CRB1: variants seen among roughly 807,000 people sequenced by gnomAD.
CRB1 encodes the protein crumbs cell polarity complex component 1.
Under a neutral mutation model 120.0 loss-of-function variants are expected in CRB1, and 83 were observed. The ratio of observed to expected loss-of-function variants is 0.69; its 90% CI spans 0.58 to 0.83. The LOEUF is 0.83. Ranked by LOEUF, CRB1 falls within the 40% of genes least tolerant of loss-of-function variation. The pLI, the probability that CRB1 is intolerant of heterozygous loss-of-function variation, is 0.00. For missense variants in CRB1, 1,699 were observed against 1,687.6 expected (o/e 1.01, Z -0.12); for synonymous variants, 625 against 612.5 (o/e 1.02, Z -0.30).
chr1:197,239,920 A>G, the CRB1 span, among the ~76,000 whole-genome samples: 1 of 150,146 alleles, frequency 6.7e-6, no homozygotes, highest in Admixed American at 6.7e-5. Flanking sequence ...TTATATATAC[A>G]TGTCTATCAT....
chr1:197,217,984 A>G, the CRB1 span, among the ~76,000 whole-genome samples: 2 of 152,230 alleles, frequency 1.3e-5, no homozygotes. Flanking sequence ...AAATATTAAC[A>G]GAGGTTGTCT....
chr1:197,247,396 G>A, the CRB1 span, among the ~76,000 whole-genome samples: 1 of 152,096 alleles, frequency 6.6e-6, no homozygotes, highest in African/African-American at 2.4e-5. Context: ...GTCATAAACA[G>A]CAAGTTGAAC....
intron 5 of CRB1, among the ~76,000 whole-genome samples, chr1:197,373,279 T>G (rs1478923495): frequency 6.6e-6 from 1 of 152,216 alleles, no homozygotes; most frequent in East Asian, 1.9e-4. Context: ...TTATACTAGT[T>G]GGTGAATAGT....
At chr1:197,297,155 T>C (rs1656574441) in intron 1 of CRB1, among the ~76,000 whole-genome samples, 1 of 151,830 alleles carries the variant, frequency 6.6e-6, no homozygotes, top group African/African-American at 2.4e-5. Context: ...GCATGGGTCA[T>C]CTGAAACGCC....
chr1:197,400,907 ACTT>A (rs1436336521), intron 5 of CRB1, among the ~76,000 whole-genome samples: 3 of 152,094 alleles, frequency 2.0e-5, no homozygotes, highest in African/African-American at 7.2e-5. Context: ...ACCTAAAAAT[ACTT>A]TAGTATATCT....
chr1:197,397,182 C>T (rs894909028), intron 5 of CRB1, among the ~76,000 whole-genome samples: 39 of 152,046 alleles, frequency 2.6e-4, no homozygotes, highest in Middle Eastern at 3.2e-3. Flanking sequence ...AAAAGATACT[C>T]AATATCAATA....
intron 11 of CRB1, among the ~76,000 whole-genome samples, chr1:197,476,397 T>TGTGTGTGCGC (rs1553269046): frequency 1.4e-5 from 2 of 146,016 alleles, no homozygotes; most frequent in South Asian, 2.2e-4. Flanking sequence ...TGTGTGTGTG[T>TGTGTGTGCGC]GCGCGTCTTC....
At chr1:197,327,101 A>C (rs4915479) in intron 1 of CRB1, among the ~76,000 whole-genome samples, 8,893 of 39,990 alleles carry the variant, frequency 0.22, 601 homozygotes, top group East Asian at 0.44. Context: ...CAAAAAAAAA[A>C]AAAAAAAAAA....
chr1:197,285,979 T>TA (rs1339126216), intron 1 of CRB1, among the ~76,000 whole-genome samples: 5 of 151,838 alleles, frequency 3.3e-5, no homozygotes, highest in African/African-American at 1.2e-4. Flanking sequence ...TCTCAAGACT[T>TA]AGAATGTGAG....
At chr1:197,444,446 T>C (rs1276870181) in intron 11 of CRB1, 6 of 152,224 alleles carry the variant, frequency 3.9e-5, no homozygotes, top group Non-Finnish European at 8.8e-5. Flanking sequence ...TTCCCATCAA[T>C]ATTTACATTC....
chr1:197,380,301 G>A (rs1185308952), intron 5 of CRB1, among the ~76,000 whole-genome samples: 1 of 152,094 alleles, frequency 6.6e-6, no homozygotes, highest in Non-Finnish European at 1.5e-5. Context: ...TCATTGACCT[G>A]GCCAAACTCC....
At chr1:197,270,221 T>C (rs756774410) in intron 1 of CRB1, among the ~76,000 whole-genome samples, 2 of 152,204 alleles carry the variant, frequency 1.3e-5, no homozygotes, top group Non-Finnish European at 2.9e-5. Context: ...AACATTGTGT[T>C]AAGCATTTTC....
At chr1:197,264,994 C>G (rs1558016938), upstream of CRB1, among the ~76,000 whole-genome samples, 1 of 151,858 alleles carries the variant, frequency 6.6e-6, no homozygotes, top group Non-Finnish European at 1.5e-5. Context: ...TTTTCTGTTT[C>G]TTAACAAAGT....
intron 8 of CRB1, among the ~76,000 whole-genome samples, chr1:197,431,727 G>T (rs759190653): frequency 6.6e-6 from 1 of 152,178 alleles, no homozygotes; most frequent in Non-Finnish European, 1.5e-5. Context: ...AATAGCAAAA[G>T]ACTAGTAAGT....
At chr1:197,429,394 AT>A in intron 7 of CRB1, 54 bp from the exon 8 acceptor site, 1 of 1,588,938 alleles carries the variant, frequency 6.3e-7, no homozygotes, top group Non-Finnish European at 8.6e-7. Context: ...CACCGTCAAC[AT>A]TTTTCTATTT....
the CRB1 span, among the ~76,000 whole-genome samples, chr1:197,256,482 A>T: frequency 6.6e-6 from 1 of 152,132 alleles, no homozygotes; most frequent in Admixed American, 6.6e-5. Flanking sequence ...ATTCAAATAT[A>T]CAACTCTTTA....
At chr1:197,313,029 A>C (rs1296189103) in intron 1 of CRB1, among the ~76,000 whole-genome samples, 1 of 152,204 alleles carries the variant, frequency 6.6e-6, no homozygotes, top group Non-Finnish European at 1.5e-5. Context: ...ATTGACTCAC[A>C]GTTCTTCAGG....
intron 1 of CRB1, among the ~76,000 whole-genome samples, chr1:197,273,033 T>G (rs1344223556): frequency 6.6e-6 from 1 of 150,714 alleles, no homozygotes; most frequent in Non-Finnish European, 1.5e-5. Context: ...AAGTAGTTTA[T>G]GTACATTTCC....
At chr1:197,223,299 T>C in the CRB1 span, 4 of 737,380 alleles carry the variant, frequency 5.4e-6, no homozygotes, top group Non-Finnish European at 9.4e-6. Flanking sequence ...GGAAATTGGC[T>C]GTTTTGTTAA....
Sources: allele counts gnomAD v4.1 joint callset (sites outside exome capture counted in the v4.1 genomes callset), GRCh38; gene constraint gnomAD v4.1.1; transcripts MANE v1.5; gene names NCBI Gene and HGNC (gene_info 2026-07-23, HGNC 2026-07-21).